Variants in TENT4B observed in about 807,000 individuals in gnomAD.
TENT4B encodes the protein terminal nucleotidyltransferase 4B.
Under a neutral mutation model 75.0 loss-of-function variants are expected in TENT4B, and 10 were observed. That is an observed-to-expected ratio of 0.13 (90% CI 0.08 to 0.23). The LOEUF (loss-of-function observed/expected upper bound fraction) is 0.23, where lower values mean the gene tolerates loss of function less well. Among genes scored for constraint, TENT4B ranks in the 10% least tolerant of loss-of-function variants. TENT4B has a pLI of 1.00. For missense variants in TENT4B, 579 were observed against 893.8 expected, an observed-to-expected ratio of 0.65 and a Z score of 4.49; for synonymous variants, 350 against 357.7, an observed-to-expected ratio of 0.98 and a Z score of 0.24.
rs552275205 is a variant in TENT4B, at chr16:50,169,387, G to GTT, written c.638+15153_638+15154dup. Among the ~76,000 whole-genome samples the GTT allele has an allele frequency of 1.2e-4, 8 of 65,788 alleles. 1 individual carries two copies. In the East Asian group the frequency reaches 1.8e-3, roughly 15 times the overall value. 43.2% of individuals were successfully genotyped at this position (65,788 alleles called of 152,430 possible). A position where few individuals can be genotyped will look rare whatever the true frequency, so the allele number is the denominator to read the frequency against. On this transcript the variant is annotated intron_variant, in intron 1 of 11. Transcript: ENST00000561678. Reference sequence around the variant, plus strand: ...CTAGAGATTTGTTTAGATTTTGTGGGTTTTTTTTTTTTTTTTTTTTTTTTT... The same window carrying GTT: ...CTAGAGATTTGTTTAGATTTTGTGGGTTTTTTTTTTTTTTTTTTTTTTTTTTT...
chr16:50,154,304 C>T (rs780972833), intron 1 of TENT4B, 45 bp downstream of exon 1: 4 of 1,382,890 alleles, frequency 2.9e-6, no homozygotes, highest in East Asian at 2.9e-5. Flanking sequence ...GGTGCGAATG[C>T]GCAGCCGGGC....
rs527339998 is a variant in TENT4B, at chr16:50,228,661, C to T, written c.1966-491C>T. On this transcript the variant is annotated intron_variant, in intron 11 of 11. Transcript: ENST00000561678. ...ACTCACTGAGTTCACTTTACCTACG[C>T]GGCCTTAGCCATGTATGCCAGACAC... Among the ~76,000 whole-genome samples the T allele has an allele frequency of 3.3e-5, 5 of 152,314 alleles. No individual in the cohort carries two copies. In the East Asian group the frequency reaches 5.8e-4, roughly 18 times the overall value.
chr16:50,225,396 G>A, intron 10 of TENT4B, 111 bp downstream of exon 10: 2 of 967,550 alleles, frequency 2.1e-6, no homozygotes, highest in Admixed American at 2.9e-5. Flanking sequence ...ATGTTACTGG[G>A]ATATTTTAAT....
intron 1 of TENT4B, among the ~76,000 whole-genome samples, chr16:50,174,616 C>T (rs1249391796): frequency 6.6e-6 from 1 of 151,894 alleles, no homozygotes; most frequent in African/African-American, 2.4e-5. Context: ...TTGAAATATA[C>T]AATAAATTAT....
At chr16:50,228,239 T>C (rs895842098) in intron 11 of TENT4B, among the ~76,000 whole-genome samples, 2 of 152,232 alleles carry the variant, frequency 1.3e-5, no homozygotes, top group Admixed American at 6.5e-5. Context: ...CTGGTCCTTA[T>C]AAGATGTTCC....
chr16:50,170,992 T>C (rs1185111537), intron 1 of TENT4B, among the ~76,000 whole-genome samples: 1 of 150,712 alleles, frequency 6.6e-6, no homozygotes, highest in East Asian at 1.9e-4. Context: ...TGACAGGATC[T>C]CACTTTGTTT....
intron 1 of TENT4B, among the ~76,000 whole-genome samples, chr16:50,178,855 G>A (rs547362270): frequency 5.1e-4 from 78 of 152,098 alleles, no homozygotes; most frequent in Admixed American, 1.2e-3. Context: ...AGTTTCATTT[G>A]GAAAAGATTA....
chr16:50,193,068 C>T (rs1324553687), intron 1 of TENT4B, among the ~76,000 whole-genome samples: 1 of 152,112 alleles, frequency 6.6e-6, no homozygotes, highest in Non-Finnish European at 1.5e-5. Context: ...GACCCTGTCT[C>T]AGTGAATGAA....
rs2150756087 is a variant in TENT4B at position 50,231,578 on chromosome 16, A to G, written c.*2250A>G. The G allele has an allele frequency of 1.0e-6, 1 of 985,832 alleles. No individual in the cohort carries two copies. The highest frequency in any genetic ancestry group is 1.1e-4 in the East Asian group (1 of 8,816). The allele number at this position is 985,832 out of a possible 1,614,324, so 61.1% of individuals were successfully genotyped here. On this transcript the variant is annotated 3_prime_UTR_variant, in exon 12 of 12. Transcript: ENST00000561678. ...TTATATTAAGGTGGTGGTAGCGGGA[A>G]GATAATTCTGATTCCATTGGGAATC...
At chr16:50,154,387 CG>C (rs1284207318) in intron 1 of TENT4B, 128 bp downstream of exon 1, 11 of 1,312,446 alleles carry the variant, frequency 8.4e-6, no homozygotes, top group Admixed American at 7.7e-5. Context: ...TGCTGTTGCA[CG>C]GGGGTGCTGC....
chr16:50,167,461 T>C (rs886486661), intron 1 of TENT4B, among the ~76,000 whole-genome samples: 8 of 151,936 alleles, frequency 5.3e-5, no homozygotes, highest in Admixed American at 2.0e-4. Context: ...AATCTTTTCA[T>C]TTTCTTGATA....
chr16:50,154,161 C>T lies in TENT4B; in HGVS notation c.540C>T (p.Ser180=). ...TCAACTACAGCCTGCTGCAGCCCAG[C>T]GGAGGGCGGGCCGCGGGGGGCGGCC... ...YGLNYSLLQP[S]GGRAAGGGRA... is the part of the protein sequence containing the mutation. Residue 180 remains serine (S), a synonymous_variant, in exon 1 of 12, where the codon AGC becomes AGT. Coordinates refer to ENST00000561678, the MANE Select transcript of TENT4B (RefSeq NM_001365324.3). 6.6e-7 allele frequency: 1 copy of T among 1,516,166 alleles called. No homozygotes were observed. The highest frequency in any genetic ancestry group is 1.2e-5 in the South Asian group (1 of 81,068). 93.9% of individuals were successfully genotyped at this position (1,516,166 alleles called of 1,614,324 possible). A position where few individuals can be genotyped will look rare whatever the true frequency, so the allele number is the denominator to read the frequency against.
intron 1 of TENT4B, among the ~76,000 whole-genome samples, chr16:50,162,175 C>T (rs932137220): frequency 2.0e-5 from 3 of 152,064 alleles, no homozygotes; most frequent in African/African-American, 4.8e-5. Context: ...TATGGCTGAA[C>T]CACACAATTT....
At chr16:50,224,570 C>G in intron 7 of TENT4B, 87 bp from the exon 8 acceptor site, 1 of 1,528,682 alleles carries the variant, frequency 6.5e-7, no homozygotes, top group Non-Finnish European at 8.9e-7. Flanking sequence ...ATAACTATGG[C>G]CCTTGCTCTC....
intron 7 of TENT4B, 43 bp downstream of exon 7, chr16:50,223,430 ACT>A: frequency 7.7e-7 from 1 of 1,304,892 alleles, no homozygotes; most frequent in Non-Finnish European, 1.1e-6. Context: ...AAGAGAGGGC[ACT>A]GTCAGTCACC....
At position 50,232,988 on chromosome 16, in the gene TENT4B, A is replaced by G. The variant is rs902843661; in HGVS notation, c.*3660A>G. The G allele has an allele frequency of 2.0e-6, 2 of 984,198 alleles. No homozygotes were observed. The highest frequency in any genetic ancestry group is 1.2e-6 in the Non-Finnish European group (1 of 828,880). The allele number at this position is 984,198 out of a possible 1,614,324, so 61.0% of individuals were successfully genotyped here. ...TGAAATGTTAAAATTAATGAACAGA[A>G]GAATTTATTCTTACCCATCTATTCT... On this transcript the variant is annotated 3_prime_UTR_variant, in exon 12 of 12. Transcript: ENST00000561678.
intron 1 of TENT4B, among the ~76,000 whole-genome samples, chr16:50,191,927 C>A (rs1020472563): frequency 3.3e-5 from 5 of 150,812 alleles, no homozygotes; most frequent in South Asian, 4.2e-4. Context: ...CTCAAAAAAA[C>A]AAACAAACAA....
chr16:50,176,299 GGT>G (rs1464818452), intron 1 of TENT4B, among the ~76,000 whole-genome samples: 1 of 151,208 alleles, frequency 6.6e-6, no homozygotes, highest in African/African-American at 2.4e-5. Context: ...TTCTCAGCCT[GGT>G]CTCAAACTCC....
At position 50,223,531 on chromosome 16, in the gene TENT4B, A is replaced by G. The variant is rs2031917226; in HGVS notation, c.1381+144A>G. ...TTTCATCGAAATATTTCATGAGCAA[A>G]CATACTAAAATAAACAGACACAGAC... On this transcript the variant is annotated intron_variant, in intron 7 of 11. Coordinates refer to ENST00000561678, the MANE Select transcript of TENT4B (RefSeq NM_001365324.3). The G allele has an allele frequency of 6.3e-6, 4 of 632,710 alleles. No homozygotes were observed. The South Asian group carries it at 9.1e-5, about 14-fold the overall frequency. 39.2% of individuals were successfully genotyped at this position (632,710 alleles called of 1,614,324 possible).
Sources: allele counts gnomAD v4.1 joint callset (sites outside exome capture counted in the v4.1 genomes callset), GRCh38; gene constraint gnomAD v4.1.1; transcripts MANE v1.5; gene names NCBI Gene and HGNC (gene_info 2026-07-23, HGNC 2026-07-21).